BICC1: variants seen among roughly 807,000 people sequenced by gnomAD.
The protein encoded by BICC1 is BicC family RNA binding protein 1, also known as protein bicaudal C homolog 1.
Under a neutral mutation model 111.0 loss-of-function variants are expected in BICC1, and 43 were observed. The ratio of observed to expected loss-of-function variants is 0.39; its 90% CI spans 0.30 to 0.50. The LOEUF (loss-of-function observed/expected upper bound fraction) is 0.50, where lower values mean the gene tolerates loss of function less well. Ranked by LOEUF, BICC1 falls within the 20% of genes least tolerant of loss-of-function variation. The probability of loss-of-function intolerance (pLI) is 0.88; values close to 1 mark genes in which losing one functional copy is unlikely to be tolerated. For missense variants in BICC1, 1,091 were observed against 1,203.2 expected, an observed-to-expected ratio of 0.91 and a Z score of 1.38; for synonymous variants, 467 against 434.4, an observed-to-expected ratio of 1.07 and a Z score of -0.93.
rs759874489 is a variant in BICC1 at position 58,800,344 on chromosome 10, T to C, written c.1858+18T>C. The C allele has an allele frequency of 5.6e-6, 9 of 1,607,358 alleles. No individual in the cohort carries two copies. The African/African-American group carries it at 1.1e-4, about 19-fold the overall frequency. On this transcript the variant is annotated intron_variant, in intron 13 of 20. Transcript: ENST00000373886. ...CACTGAAGGTCGGGAACTGTACCCT[T>C]CTGAAATTCATTTTGGTTGTTATTT...
rs184594199 is a variant in BICC1 at position 58,725,643 on chromosome 10, C to T, written c.307+23500C>T. On this transcript the variant is annotated intron_variant, in intron 3 of 20. Coordinates refer to ENST00000373886, the MANE Select transcript of BICC1 (RefSeq NM_001080512.3). ...GGTTTGCTTATTTTGCAAACAAATC[C>T]ACATGGTTTACTTGCTAGTCTTCTT... Among the ~76,000 whole-genome samples, 419 of 152,226 alleles carry T rather than the reference C, an allele frequency of 2.8e-3. 3 individuals are homozygous for T. Among genetic ancestry groups the T allele is most frequent in the African/African-American group, 9.5e-3 (393 of 41,548 alleles).
chr10:58,660,497 A>C lies in BICC1; in HGVS notation c.237+39596A>C, dbSNP rs533058443. On this transcript the variant is annotated intron_variant, in intron 2 of 20. Coordinates refer to ENST00000373886, the MANE Select transcript of BICC1 (RefSeq NM_001080512.3). ...TTCCTTAACCCATTAAAAAAAAAAA[A>C]GAGTTCATTCTGATAGTTCACATTC... Among the ~76,000 whole-genome samples the C allele has an allele frequency of 2.6e-5, 4 of 152,062 alleles. No homozygotes were observed. The East Asian group carries it at 7.7e-4, about 29-fold the overall frequency.
intron 1 of BICC1, among the ~76,000 whole-genome samples, chr10:58,584,079 C>G (rs879316612): frequency 4.0e-5 from 6 of 151,772 alleles, no homozygotes; most frequent in African/African-American, 1.2e-4. Context: ...CACACACACA[C>G]ACACACACAC....
intron 1 of BICC1, among the ~76,000 whole-genome samples, chr10:58,521,137 A>T (rs1842376391): frequency 6.6e-6 from 1 of 152,098 alleles, no homozygotes; most frequent in South Asian, 2.1e-4. Flanking sequence ...AAACACTACA[A>T]CATTTTAGAA....
chr10:58,735,356 G>T (rs1211346848), intron 3 of BICC1, among the ~76,000 whole-genome samples: 2 of 152,150 alleles, frequency 1.3e-5, no homozygotes, highest in African/African-American at 4.8e-5. Context: ...CTTCCACTGC[G>T]ACATGCTGCA....
chr10:58,677,378 A>G (rs558260655), intron 2 of BICC1, among the ~76,000 whole-genome samples: 123 of 152,374 alleles, frequency 8.1e-4, no homozygotes, highest in African/African-American at 2.9e-3. Flanking sequence ...GCAGCTGAAG[A>G]ACACAGCACA....
chr10:58,612,615 AG>A (rs1845467071), intron 1 of BICC1, among the ~76,000 whole-genome samples: 1 of 145,768 alleles, frequency 6.9e-6, no homozygotes, highest in South Asian at 2.2e-4. Context: ...AAAAAAAAAA[AG>A]ATGGAGAGGA....
At chr10:58,808,964 C>T (rs1358104337) in intron 17 of BICC1, among the ~76,000 whole-genome samples, 1 of 152,038 alleles carries the variant, frequency 6.6e-6, no homozygotes, top group Non-Finnish European at 1.5e-5. Flanking sequence ...ATCTGCCCAC[C>T]TCGACCTCCC....
chr10:58,518,844 G>A (rs1589055082), intron 1 of BICC1, among the ~76,000 whole-genome samples: 1 of 152,146 alleles, frequency 6.6e-6, no homozygotes, highest in East Asian at 1.9e-4. Context: ...ACTGAGAGGG[G>A]CAGTAAAACC....
At chr10:58,797,499 C>A (rs1456893448) in intron 10 of BICC1, among the ~76,000 whole-genome samples, 8 of 152,096 alleles carry the variant, frequency 5.3e-5, no homozygotes, top group Non-Finnish European at 8.8e-5. Context: ...CCTAATCTAC[C>A]AAAGTTGTTC....
intron 2 of BICC1, among the ~76,000 whole-genome samples, chr10:58,693,617 A>G (rs10733986): frequency 0.98 from 146,235 of 149,788 alleles, 71,493 homozygotes; most frequent in Middle Eastern, 1. Context: ...GCCAGTGATG[A>G]TGAGCATTTT....
intron 2 of BICC1, among the ~76,000 whole-genome samples, chr10:58,678,186 A>C (rs1262291371): frequency 1.3e-5 from 2 of 152,222 alleles, no homozygotes; most frequent in African/African-American, 4.8e-5. Flanking sequence ...GGTCAAATTC[A>C]CACATAACAA....
intron 20 of BICC1, chr10:58,824,250 G>A: frequency 4.2e-6 from 1 of 240,680 alleles, no homozygotes; most frequent in Non-Finnish European, 6.7e-6. Flanking sequence ...GTGTGGGCAA[G>A]TGACTTAGTC....
rs772599013 is a variant in BICC1, at chr10:58,799,164, C to G, written c.1637C>G (p.Pro546Arg). The change falls in exon 12 of 21, where the codon CCT (proline) becomes CGT (arginine). Residue 546 changes from proline (P) to arginine (R), a missense_variant. Pro to Arg is a moderately radical substitution (Grantham distance 103). Around this residue, in one of 3 missense-constraint regions of BICC1, gnomAD observed 843 missense variants for 900.8 expected, o/e 0.94. Transcript: ENST00000373886. ...TATGGGCACACAGCTCCATCTCCCC[C>G]TCCTGGCTTGACTCCTGTTGATGTC... ...PTYGHTAPSP[P>R]PGLTPVDVHI... 4 of 1,613,938 alleles carry G rather than the reference C, an allele frequency of 2.5e-6. No homozygotes were observed. Among genetic ancestry groups the G allele is most frequent in the East Asian group, 2.2e-5 (1 of 44,812 alleles).
chr10:58,801,453 T>C lies in BICC1; in HGVS notation c.2015+407T>C, dbSNP rs140818549. ...CTCTCTTTTTTCCCAAGGTAGTTAA[T>C]TGCAAACTTTTAAATAAATGCTTGA... On this transcript the variant is annotated intron_variant, in intron 14 of 20. Transcript: ENST00000373886. 1.4e-3 allele frequency among the ~76,000 whole-genome samples: 215 copies of C among 152,340 alleles called. 2 individuals are homozygous for C. Among genetic ancestry groups the C allele is most frequent in the African/African-American group, 4.8e-3 (198 of 41,586 alleles).
At chr10:58,716,709 T>C (rs1240291592) in intron 3 of BICC1, among the ~76,000 whole-genome samples, 3 of 151,804 alleles carry the variant, frequency 2.0e-5, no homozygotes, top group African/African-American at 7.3e-5. Flanking sequence ...ACCCTTACTC[T>C]GTAAGATAAG....
intron 3 of BICC1, among the ~76,000 whole-genome samples, chr10:58,708,663 C>A (rs1047037741): frequency 2.0e-5 from 3 of 152,172 alleles, no homozygotes; most frequent in African/African-American, 7.2e-5. Flanking sequence ...GCTGGCCACT[C>A]CACCCTAATC....
At chr10:58,602,575 A>G (rs1845075680) in intron 1 of BICC1, among the ~76,000 whole-genome samples, 3 of 152,224 alleles carry the variant, frequency 2.0e-5, no homozygotes, top group African/African-American at 7.2e-5. Flanking sequence ...CTTTTCAGAG[A>G]TGAAAACTGA....
intron 3 of BICC1, among the ~76,000 whole-genome samples, chr10:58,717,951 C>CA (rs1035742382): frequency 9.9e-5 from 15 of 151,982 alleles, no homozygotes; most frequent in Non-Finnish European, 1.9e-4. Flanking sequence ...AAAACAACAA[C>CA]AAAAAAACAA....
Sources: gnomAD v4.1 joint callset for allele counts (sites outside exome capture counted in the v4.1 genomes callset) on GRCh38, gnomAD v4.1.1 for gene constraint, gnomAD v4.1.1 regional missense constraint, MANE v1.5 for transcripts, NCBI Gene and HGNC (gene_info 2026-07-23, HGNC 2026-07-21) for gene names.